ME3: variants seen among roughly 807,000 people sequenced by gnomAD.
ME3 encodes NADP-dependent malic enzyme, mitochondrial.
Under a neutral mutation model 68.9 loss-of-function variants are expected in ME3, and 48 were observed. The observed-to-expected ratio is 0.70, with a 90% CI of 0.55 to 0.89. ME3 has a LOEUF of 0.89. Ranked by LOEUF, ME3 falls within the 40% of genes least tolerant of loss-of-function variation. The probability of loss-of-function intolerance (pLI) is 0.00; values close to 1 mark genes in which losing one functional copy is unlikely to be tolerated. For synonymous variants in ME3, 320 were observed against 318.8 expected (o/e 1.00, Z -0.04); for missense variants, 675 against 797.4 (o/e 0.85, Z 1.85).
chr11:86,449,560 T>C (rs911776177), intron 10 of ME3, among the ~76,000 whole-genome samples: 1 of 152,114 alleles, frequency 6.6e-6, no homozygotes, highest in Non-Finnish European at 1.5e-5. Context: ...GGAGAGCAAT[T>C]CAGGCAGAAC....
At position 86,475,874 on chromosome 11, in the gene ME3, T is replaced by TAGAGAGAGAGAGAGAG. The variant is rs1555206746; in HGVS notation, c.810-10690_810-10675dup. ...CAGTATATATATATATATATATATA[T>TAGAGAGAGAGAGAGAG]AGAGAGAGAGAGAGAGAGAGAGAGA... On this transcript the variant is annotated intron_variant, in intron 7 of 14. Coordinates refer to ENST00000543262, the Ensembl canonical transcript of ME3. Among the ~76,000 whole-genome samples the TAGAGAGAGAGAGAGAG allele has an allele frequency of 5.6e-4, 51 of 91,464 alleles. 1 individual carries two copies. Among genetic ancestry groups the TAGAGAGAGAGAGAGAG allele is most frequent in the African/African-American group, 8.5e-4 (17 of 20,000 alleles). The allele number at this position is 91,464 out of a possible 152,430, so 60.0% of individuals were successfully genotyped here.
intron 2 of ME3, among the ~76,000 whole-genome samples, chr11:86,562,914 CAT>C (rs562013494): frequency 9.2e-5 from 14 of 152,206 alleles, no homozygotes; most frequent in South Asian, 4.1e-4. Context: ...TAAGCGATAA[CAT>C]GTGGTATTTG....
At chr11:86,544,761 C>T (rs1956262470) in intron 4 of ME3, among the ~76,000 whole-genome samples, 1 of 152,140 alleles carries the variant, frequency 6.6e-6, no homozygotes, top group South Asian at 2.1e-4. Flanking sequence ...CCTTCTGAAA[C>T]TATTCCAAAC....
rs2138572563 is a variant in ME3, at chr11:86,441,453, A to G, written c.1654-13T>C. 3 of 1,571,584 alleles carry G rather than the reference A, an allele frequency of 1.9e-6. No homozygotes were observed. Among genetic ancestry groups the G allele is most frequent in the South Asian group, 2.4e-5 (2 of 82,720 alleles). The stretch of plus-strand genomic sequence containing the variant: ...CGTAGTCGAGAACCTAGAGAAAAAC[A>G]TGTTTGGCTAAGGAACCGGATCTAA... On this transcript the variant is annotated splice_polypyrimidine_tract_variant and intron_variant, in intron 14 of 14. Transcript: ENST00000543262.
chr11:86,507,976 C>CAA lies in ME3; in HGVS notation c.543+814_543+815dup, dbSNP rs60253913. ...TGGACGACAGAGTGAGACTCTGTCT[C>CAA]AAAAAAAAAAAAAAATATGGCAACT... On this transcript the variant is annotated intron_variant, in intron 5 of 14. Transcript: ENST00000543262. 2.3e-3 allele frequency among the ~76,000 whole-genome samples: 323 copies of CAA among 143,272 alleles called. 1 individual carries two copies. Among genetic ancestry groups the CAA allele is most frequent in the Admixed American group, 4.2e-3 (61 of 14,446 alleles). The allele number at this position is 143,272 out of a possible 152,430, so 94.0% of individuals were successfully genotyped here. A position where few individuals can be genotyped will look rare whatever the true frequency, so the allele number is the denominator to read the frequency against.
intron 2 of ME3, among the ~76,000 whole-genome samples, chr11:86,600,448 A>C (rs1471580522): frequency 6.6e-6 from 1 of 151,960 alleles, no homozygotes; most frequent in African/African-American, 2.4e-5. Context: ...CCAGATTCAT[A>C]AAGCAAGTCC....
chr11:86,584,157 G>T (rs1198639827), intron 2 of ME3, among the ~76,000 whole-genome samples: 1 of 152,042 alleles, frequency 6.6e-6, no homozygotes, highest in Admixed American at 6.6e-5. Context: ...ATGGGCTAAG[G>T]ACCTGAATAG....
intron 4 of ME3, among the ~76,000 whole-genome samples, chr11:86,530,650 G>C (rs1390349155): frequency 6.6e-6 from 1 of 152,128 alleles, no homozygotes; most frequent in Admixed American, 6.6e-5. Flanking sequence ...CCAAAACAGA[G>C]ATATAGACCA....
intron 2 of ME3, among the ~76,000 whole-genome samples, chr11:86,560,963 T>C (rs1425115439): frequency 6.6e-6 from 1 of 151,788 alleles, no homozygotes; most frequent in Admixed American, 6.6e-5. Context: ...GATTGGATTT[T>C]GGTTATGGGT....
At chr11:86,497,782 G>A (rs1288756568) in intron 6 of ME3, among the ~76,000 whole-genome samples, 181 bp downstream of exon 6, 1 of 152,128 alleles carries the variant, frequency 6.6e-6, no homozygotes, top group African/African-American at 2.4e-5. Context: ...GCTAGGGGTG[G>A]GCAACCAGGG....
chr11:86,670,718 C>T (rs974986968), intron 2 of ME3, among the ~76,000 whole-genome samples: 1 of 152,106 alleles, frequency 6.6e-6, no homozygotes, highest in Non-Finnish European at 1.5e-5. Flanking sequence ...TCCATACAGA[C>T]TGCCTCACCT....
chr11:86,579,073 G>A (rs1958285324), intron 2 of ME3, among the ~76,000 whole-genome samples: 1 of 152,106 alleles, frequency 6.6e-6, no homozygotes, highest in Admixed American at 6.6e-5. Context: ...TAACAAGTAT[G>A]TTTTGAGTAC....
At chr11:86,440,707 C>T (rs1432942798), downstream of ME3, among the ~76,000 whole-genome samples, 1 of 152,184 alleles carries the variant, frequency 6.6e-6, no homozygotes, top group Non-Finnish European at 1.5e-5. Context: ...GTATGGCTGA[C>T]ATGGACTAAA....
intron 2 of ME3, among the ~76,000 whole-genome samples, chr11:86,624,605 G>T (rs777765030): frequency 6.6e-6 from 1 of 152,188 alleles, no homozygotes; most frequent in East Asian, 1.9e-4. Context: ...GATTGATTTT[G>T]TTGCTTTAAA....
At chr11:86,527,404 G>A (rs1417009647) in intron 4 of ME3, among the ~76,000 whole-genome samples, 1 of 152,230 alleles carries the variant, frequency 6.6e-6, no homozygotes, top group East Asian at 1.9e-4. Context: ...GTACCTGAAA[G>A]TGACGGGGCG....
At chr11:86,435,405 C>G in the ME3 span, 1 of 152,098 alleles carries the variant, frequency 6.6e-6, no homozygotes, top group African/African-American at 2.4e-5. Flanking sequence ...ATGGGAATTC[C>G]AGAGAGGGAG....
chr11:86,443,813 T>C (rs1949138091), intron 13 of ME3, among the ~76,000 whole-genome samples: 1 of 152,240 alleles, frequency 6.6e-6, no homozygotes, highest in African/African-American at 2.4e-5. Flanking sequence ...ATACATTCAC[T>C]GTGCTCTACT....
chr11:86,563,583 T>C (rs181140713), intron 2 of ME3, among the ~76,000 whole-genome samples: 109 of 152,268 alleles, frequency 7.2e-4, no homozygotes, highest in African/African-American at 2.0e-3. Flanking sequence ...TATAGTTTGA[T>C]GTCTTATATT....
At chr11:86,446,559 C>T in intron 12 of ME3, 72 bp from the exon 13 acceptor site, 1 of 1,461,976 alleles carries the variant, frequency 6.8e-7, no homozygotes. Context: ...CTATTCTTAT[C>T]TTCCAAATGT....
Sources: gnomAD v4.1 joint callset for allele counts (sites outside exome capture counted in the v4.1 genomes callset) on GRCh38, gnomAD v4.1.1 for gene constraint, MANE v1.5 for transcripts, NCBI Gene and HGNC (gene_info 2026-07-23, HGNC 2026-07-21) for gene names.